KLHL42: variants seen among roughly 807,000 people sequenced by gnomAD.
KLHL42 encodes the protein kelch like family member 42, also known as kelch-like protein 42.
Under a neutral mutation model 32.7 loss-of-function variants are expected in KLHL42, and 27 were observed. The observed-to-expected ratio is 0.83, with a 90% confidence interval of 0.61 to 1.14. The LOEUF (loss-of-function observed/expected upper bound fraction) is 1.14, where lower values mean the gene tolerates loss of function less well. Ranked by LOEUF, KLHL42 falls within the 50% of genes most tolerant of loss-of-function variation. The pLI is 0.00. For missense variants in KLHL42, 491 were observed against 560.8 expected, an observed-to-expected ratio of 0.88 and a Z score of 1.26; for synonymous variants, 267 against 248.2, an observed-to-expected ratio of 1.08 and a Z score of -0.71.
intron 1 of KLHL42, among the ~76,000 whole-genome samples, chr12:27,784,118 G>GTGTTTTTTTTTTTTGTTTT (rs2062160876): frequency 6.8e-6 from 1 of 146,498 alleles, no homozygotes; most frequent in Non-Finnish European, 1.5e-5. Flanking sequence ...CAAAGTGTAT[G>GTGTTTTTTTTTTTTGTTTT]TGTTTTTTTT....
rs942708956 is a variant in KLHL42, at chr12:27,801,093, A to G, written c.*2927A>G. 2 of 152,646 alleles carry G rather than the reference A, an allele frequency of 1.3e-5. No homozygotes were observed. The highest frequency in any genetic ancestry group is 1.5e-5 in the Non-Finnish European group (1 of 68,038). 9.5% of individuals were successfully genotyped at this position (152,646 alleles called of 1,614,324 possible). ...GTGTGAAAGAGTTGATTATTTCAAC[A>G]GTATTGGTTAAGTCACAACGACGAA... On this transcript the variant is annotated 3_prime_UTR_variant, in exon 3 of 3. Transcript: ENST00000381271.
chr12:27,781,595 C>A (rs2062148868), intron 1 of KLHL42, among the ~76,000 whole-genome samples: 1 of 152,158 alleles, frequency 6.6e-6, no homozygotes, highest in African/African-American at 2.4e-5. Flanking sequence ...TGGACAGTAA[C>A]CTGTAACACT....
intron 1 of KLHL42, among the ~76,000 whole-genome samples, chr12:27,791,184 C>G (rs1345037486): frequency 6.6e-6 from 1 of 152,212 alleles, no homozygotes; most frequent in East Asian, 1.9e-4. Flanking sequence ...GGACCAGTGT[C>G]TTGCTCAGGT....
intron 1 of KLHL42, among the ~76,000 whole-genome samples, chr12:27,785,187 C>A (rs2062166870): frequency 6.6e-6 from 1 of 152,094 alleles, no homozygotes; most frequent in African/African-American, 2.4e-5. Flanking sequence ...TGCCAGACAT[C>A]CAAATATCCC....
At chr12:27,791,925 G>A (rs2288232) in intron 2 of KLHL42, 24 bp downstream of exon 2, 826,474 of 1,608,888 alleles carry the variant, frequency 0.51, 220,197 homozygotes, top group Non-Finnish European at 0.55. Context: ...CCAGGTAGGT[G>A]GTCTGCCCAT....
At chr12:27,793,545 A>C (rs1284013272) in intron 2 of KLHL42, among the ~76,000 whole-genome samples, 1 of 151,516 alleles carries the variant, frequency 6.6e-6, no homozygotes, top group Non-Finnish European at 1.5e-5. Flanking sequence ...CAGTCTCTAA[A>C]ATAAAAAAAA....
rs772244013 is a variant in KLHL42 at position 27,780,346 on chromosome 12, A to G, written c.16A>G (p.Met6Val). 6.4e-7 allele frequency: 1 copy of G among 1,572,542 alleles called. No individual in the cohort carries two copies. Among genetic ancestry groups the G allele is most frequent in the Non-Finnish European group, 8.6e-7 (1 of 1,163,040 alleles). The stretch of plus-strand genomic sequence containing the variant: ...GCCCCCAGCCATGTCGGCCGAGGAG[A>G]TGGTGCAGATCCGCCTGGAGGACCG... MSAEE[M>V]VQIRLEDRCY... Residue 6 changes from methionine to valine, a missense_variant, in exon 1 of 3, where the codon ATG (methionine) becomes GTG (valine). Physicochemically the swap from Met to Val is conservative, Grantham distance 21. This residue lies in a region of KLHL42 where 88 missense variants were observed against 89.0 expected (regional missense o/e 0.99). Transcript: ENST00000381271. The surrounding 1 kb of genome is among the most constrained non-coding windows in gnomAD (Gnocchi z 8.8).
At chr12:27,782,919 G>T (rs1391758388) in intron 1 of KLHL42, among the ~76,000 whole-genome samples, 1 of 152,078 alleles carries the variant, frequency 6.6e-6, no homozygotes, top group Non-Finnish European at 1.5e-5. Context: ...GTTACCTTTA[G>T]ATATTATAAA....
At position 27,798,926 on chromosome 12, in the gene KLHL42, AAG is replaced by A. The variant is rs2062231857; in HGVS notation, c.*763_*764del. ...CTGCTAGGCATTCTGTATTGTTTTA[AAG>A]AGGATATATTATTTAGAAAAATGGA... On this transcript the variant is annotated 3_prime_UTR_variant, in exon 3 of 3. Coordinates refer to ENST00000381271, the MANE Select transcript of KLHL42 (RefSeq NM_020782.2). 6.6e-6 allele frequency: 1 copy of A among 152,520 alleles called. No individual in the cohort carries two copies. The highest frequency in any genetic ancestry group is 6.6e-5 in the Admixed American group (1 of 15,256). The allele number at this position is 152,520 out of a possible 1,614,324, so 9.4% of individuals were successfully genotyped here. A position where few individuals can be genotyped will look rare whatever the true frequency, so the allele number is the denominator to read the frequency against.
At chr12:27,796,777 A>G (rs2062220442) in intron 2 of KLHL42, among the ~76,000 whole-genome samples, 1 of 151,950 alleles carries the variant, frequency 6.6e-6, no homozygotes, top group African/African-American at 2.4e-5. Context: ...CTGGTACCAT[A>G]GGTGCACACC....
chr12:27,788,670 G>T (rs2062183549), intron 1 of KLHL42, among the ~76,000 whole-genome samples: 1 of 152,126 alleles, frequency 6.6e-6, no homozygotes, highest in Admixed American at 6.5e-5. Flanking sequence ...ATTCCAGCCT[G>T]GGCAATGAAA....
At position 27,780,836 on chromosome 12, in the gene KLHL42, T is replaced by C. The variant is rs763342736; in HGVS notation, c.506T>C (p.Leu169Pro). The change falls in exon 1 of 3, where the codon CTG becomes CCG. Residue 169 changes from leucine to proline, a missense_variant. Leu to Pro is a moderately conservative substitution (Grantham distance 98). Transcript: ENST00000381271. This position sits in a 1 kb window ranked among gnomAD's most constrained non-coding sequence, Gnocchi z 8.8. ...CTGTGCAAGCCCCAGTTCCACCTCC[T>C]GGGGTCTCCTCCCCAAGCTCCAGGG... ...EVLCKPQFHL[L>P]GSPPQAPGDV... 1.9e-6 allele frequency: 3 copies of C among 1,613,852 alleles called. No individual in the cohort carries two copies. Among genetic ancestry groups the C allele is most frequent in the Non-Finnish European group, 1.7e-6 (2 of 1,179,982 alleles).
At chr12:27,784,518 G>A (rs1363446310) in intron 1 of KLHL42, among the ~76,000 whole-genome samples, 1 of 152,072 alleles carries the variant, frequency 6.6e-6, no homozygotes, top group Non-Finnish European at 1.5e-5. Flanking sequence ...GGAGGCTTAG[G>A]CAGGAGGATC....
At chr12:27,792,155 C>CT (rs1363804235) in intron 2 of KLHL42, 319 of 264,140 alleles carry the variant, frequency 1.2e-3, no homozygotes, top group African/African-American at 3.1e-3. Context: ...AATGTTATCT[C>CT]TTTTTTTTTG....
intron 2 of KLHL42, among the ~76,000 whole-genome samples, chr12:27,795,893 G>C (rs1332621896): frequency 6.6e-6 from 1 of 152,118 alleles, no homozygotes; most frequent in Non-Finnish European, 1.5e-5. Context: ...AGTGAAGAGA[G>C]AAAACATTTA....
intron 1 of KLHL42, among the ~76,000 whole-genome samples, chr12:27,790,912 A>G (rs1294651685): frequency 6.6e-6 from 1 of 152,160 alleles, no homozygotes; most frequent in African/African-American, 2.4e-5. Flanking sequence ...TTAGCTGAGT[A>G]TAGCTGAATA....
chr12:27,783,332 T>G (rs1409093819), intron 1 of KLHL42, among the ~76,000 whole-genome samples: 2 of 151,990 alleles, frequency 1.3e-5, no homozygotes, highest in African/African-American at 4.8e-5. Context: ...AATCTGAATG[T>G]AAGTGGACCC....
chr12:27,791,614 C>A, intron 1 of KLHL42, 94 bp from the exon 2 acceptor site: 1 of 1,110,254 alleles, frequency 9.0e-7, no homozygotes. Flanking sequence ...GAATTTTCTT[C>A]AGATGTTCAG....
chr12:27,781,390 C>T (rs1565480942), intron 1 of KLHL42, among the ~76,000 whole-genome samples, 188 bp downstream of exon 1: 1 of 152,190 alleles, frequency 6.6e-6, no homozygotes, highest in Non-Finnish European at 1.5e-5. Context: ...AAGAGGACGT[C>T]CCCAGTGAGG....
Sources: gnomAD v4.1 joint callset for allele counts (sites outside exome capture counted in the v4.1 genomes callset) on GRCh38, gnomAD v4.1.1 for gene constraint, gnomAD v4.1.1 regional missense constraint, Gnocchi (gnomAD v3.1) non-coding constraint, MANE v1.5 for transcripts, NCBI Gene and HGNC (gene_info 2026-07-23, HGNC 2026-07-21) for gene names.